The following RMST variants were observed in gnomAD, a reference collection of about 807,000 sequenced individuals.
The protein encoded by RMST is long intergenic non-protein coding RNA 54.
At chr12:97,556,573 A>G (rs1883722221) in intron 11 of RMST, among the ~76,000 whole-genome samples, 2 of 152,164 alleles carry the variant, frequency 1.3e-5, no homozygotes, top group Admixed American at 1.3e-4. Context: ...GTGTTTCCTC[A>G]TTTGTAGGAC....
chr12:97,551,354 C>T (rs1303388952), intron 11 of RMST, among the ~76,000 whole-genome samples: 2 of 151,884 alleles, frequency 1.3e-5, no homozygotes, highest in Non-Finnish European at 2.9e-5. Context: ...CTGGTAGTGG[C>T]TCATAGGAGA....
intron 5 of RMST, among the ~76,000 whole-genome samples, chr12:97,482,948 C>T (rs975896056): frequency 6.6e-6 from 1 of 151,750 alleles, no homozygotes; most frequent in Non-Finnish European, 1.5e-5. Flanking sequence ...GCTTACACAA[C>T]TGTAAGTTTC....
intron 10 of RMST, among the ~76,000 whole-genome samples, chr12:97,523,903 C>T (rs1387931462): frequency 6.6e-6 from 1 of 151,466 alleles, no homozygotes; most frequent in Non-Finnish European, 1.5e-5. Context: ...CGGTGAAACC[C>T]CATCTCTACT....
intron 5 of RMST, among the ~76,000 whole-genome samples, chr12:97,487,356 A>T (rs1876226800): frequency 6.6e-6 from 1 of 152,132 alleles, no homozygotes; most frequent in Non-Finnish European, 1.5e-5. Context: ...ATATTTGGAG[A>T]TTATTTGTTA....
At chr12:97,516,923 T>G (rs1266434650) in intron 10 of RMST, among the ~76,000 whole-genome samples, 1 of 152,036 alleles carries the variant, frequency 6.6e-6, no homozygotes, top group Non-Finnish European at 1.5e-5. Flanking sequence ...ATTTACAATA[T>G]TCTATGGGAA....
Position 97,480,092 on chromosome 12 carries a change from T to TTC in RMST, n.645-12368_645-12367insCT, listed in dbSNP as rs1472035576. 8.3e-5 allele frequency among the ~76,000 whole-genome samples: 8 copies of TTC among 96,374 alleles called. 1 individual carries two copies. The highest frequency in any genetic ancestry group is 9.8e-5 in the Admixed American group (1 of 10,198). The allele number at this position is 96,374 out of a possible 152,430, so 63.2% of individuals were successfully genotyped here. ...CTTTTCTTTTCTTTTCTTTTTTCTT[T>TTC]TTTTTTCTTTTTTTTTGAGACAGAG... On this transcript the variant is annotated intron_variant and non_coding_transcript_variant, in intron 5 of 13. Coordinates refer to ENST00000640149, the Ensembl canonical transcript of RMST.
At chr12:97,561,995 G>A (rs531101311) in intron 13 of RMST, among the ~76,000 whole-genome samples, 20 of 152,162 alleles carry the variant, frequency 1.3e-4, no homozygotes, top group African/African-American at 4.3e-4. Context: ...AGTGCCCTCC[G>A]CTTGGTGCCA....
chr12:97,469,188 GTA>G (rs1565915545), intron 5 of RMST, among the ~76,000 whole-genome samples: 12 of 146,436 alleles, frequency 8.2e-5, no homozygotes, highest in Non-Finnish European at 1.8e-4. Context: ...GTGTATGTGT[GTA>G]TATATATACA....
At position 97,513,539 on chromosome 12, in the gene RMST, T is replaced by G. The variant is rs1879635922; in HGVS notation, n.1341-17116T>G. On this transcript the variant is annotated intron_variant and non_coding_transcript_variant, in intron 10 of 13. Transcript: ENST00000640149. ...ACCAGAGCTTCTGCCTTCATAGAGCTTCTATTCTAGTGTTAACCTGTAAAT... is the reference window on the plus strand; with the variant it reads ...ACCAGAGCTTCTGCCTTCATAGAGCGTCTATTCTAGTGTTAACCTGTAAAT... Among the ~76,000 whole-genome samples the G allele has an allele frequency of 2.0e-5, 3 of 152,308 alleles. No homozygotes were observed. The South Asian group carries it at 6.2e-4, about 32-fold the overall frequency.
intron 10 of RMST, among the ~76,000 whole-genome samples, chr12:97,507,303 G>T (rs1414155826): frequency 6.7e-6 from 1 of 148,172 alleles, no homozygotes; most frequent in Non-Finnish European, 1.5e-5. Context: ...AAAAAAGATG[G>T]CTAACTCTGC....
chr12:97,472,373 A>G (rs1874031405), intron 5 of RMST, among the ~76,000 whole-genome samples: 1 of 152,126 alleles, frequency 6.6e-6, no homozygotes, highest in Non-Finnish European at 1.5e-5. Context: ...AAGTAAGAAT[A>G]TGGTATAGTG....
At chr12:97,507,688 A>G (rs1490808080) in intron 10 of RMST, among the ~76,000 whole-genome samples, 1 of 150,154 alleles carries the variant, frequency 6.7e-6, no homozygotes, top group Non-Finnish European at 1.5e-5. Context: ...AGAGGTTAGT[A>G]ATATGAACAT....
At chr12:97,473,887 C>T (rs1050023681) in intron 5 of RMST, among the ~76,000 whole-genome samples, 8 of 152,036 alleles carry the variant, frequency 5.3e-5, no homozygotes, top group African/African-American at 1.7e-4. Context: ...CCCTTAGTTA[C>T]CTGTGTGTTG....
At chr12:97,500,746 G>A (rs1877998412) in intron 10 of RMST, among the ~76,000 whole-genome samples, 1 of 152,198 alleles carries the variant, frequency 6.6e-6, no homozygotes. Context: ...CTATGTGGAA[G>A]AGCTGCAATC....
At chr12:97,469,335 A>C (rs1873617109) in intron 5 of RMST, among the ~76,000 whole-genome samples, 1 of 151,890 alleles carries the variant, frequency 6.6e-6, no homozygotes, top group African/African-American at 2.4e-5. Context: ...GAAAGTCTAA[A>C]TTTATCCCAT....
chr12:97,544,961 G>T (rs1374258159), intron 11 of RMST, among the ~76,000 whole-genome samples: 2 of 152,070 alleles, frequency 1.3e-5, no homozygotes, highest in East Asian at 3.9e-4. Context: ...TCCAATAAAT[G>T]ACATCTATTA....
At chr12:97,478,957 C>T (rs73384735) in intron 5 of RMST, among the ~76,000 whole-genome samples, 2,603 of 152,052 alleles carry the variant, frequency 0.017, 91 homozygotes, top group African/African-American at 0.06. Context: ...GGTTGGCACT[C>T]GGGCACCAGT....
intron 9 of RMST, among the ~76,000 whole-genome samples, chr12:97,495,035 G>C (rs1325518211): frequency 1.3e-5 from 2 of 151,858 alleles, no homozygotes; most frequent in Admixed American, 6.6e-5. Context: ...TAAAAGCCGG[G>C]CTACTGAATA....
intron 11 of RMST, among the ~76,000 whole-genome samples, chr12:97,541,640 G>T (rs1882533996): frequency 6.6e-6 from 1 of 150,910 alleles, no homozygotes; most frequent in Admixed American, 6.6e-5. Context: ...ATCTCCCTCA[G>T]GCTCAGACAA....
Sources: allele counts gnomAD v4.1 joint callset (sites outside exome capture counted in the v4.1 genomes callset), GRCh38; gene constraint gnomAD v4.1.1; transcripts MANE v1.5; gene names NCBI Gene and HGNC (gene_info 2026-07-23, HGNC 2026-07-21).